FANCM: variants seen among roughly 807,000 people sequenced by gnomAD.
FANCM encodes Fanconi anemia group M protein.
Under a neutral mutation model 199.5 loss-of-function variants are expected in FANCM, and 140 were observed. The ratio of observed to expected loss-of-function variants is 0.70; its 90% confidence interval spans 0.61 to 0.81. The LOEUF (loss-of-function observed/expected upper bound fraction) is 0.81, where lower values mean the gene tolerates loss of function less well. Ranked by LOEUF, FANCM falls within the 30% of genes least tolerant of loss-of-function variation. The pLI is 0.00. For synonymous variants in FANCM, 840 were observed against 836.8 expected (o/e 1.00, Z -0.07); for missense variants, 2,410 against 2,421.4 (o/e 1.00, Z 0.10).
chr14:45,173,310 T>A, intron 13 of FANCM, 100 bp downstream of exon 13: 1 of 1,090,368 alleles, frequency 9.2e-7, no homozygotes, highest in Non-Finnish European at 1.4e-6. Flanking sequence ...ATACTTTGTT[T>A]TTCTGTATAG....
chr14:45,171,477 C>G (rs1020169074), intron 12 of FANCM, among the ~76,000 whole-genome samples: 3 of 152,122 alleles, frequency 2.0e-5, no homozygotes, highest in Admixed American at 6.5e-5. Context: ...TGCCCCACTC[C>G]TACTCTTCCC....
chr14:45,186,587 T>C (rs1889415855), intron 18 of FANCM, among the ~76,000 whole-genome samples: 1 of 152,220 alleles, frequency 6.6e-6, no homozygotes, highest in Non-Finnish European at 1.5e-5. Context: ...TAAAAGGCAA[T>C]GTTCTCAGTA....
At chr14:45,141,449 T>G (rs989720212) in intron 3 of FANCM, among the ~76,000 whole-genome samples, 1 of 151,244 alleles carries the variant, frequency 6.6e-6, no homozygotes, top group African/African-American at 2.4e-5. Context: ...TAGCTTTTTT[T>G]CAGTGGTTGC....
At position 45,185,187 on chromosome 14, in the gene FANCM, T is replaced by C. The variant is rs375423511; in HGVS notation, c.4516-30T>C. The C allele has an allele frequency of 1.6e-5, 23 of 1,432,398 alleles. No individual in the cohort carries two copies. In the African/African-American group the frequency reaches 2.5e-4, roughly 16 times the overall value. The allele number at this position is 1,432,398 out of a possible 1,614,324, so 88.7% of individuals were successfully genotyped here. ...AAAGAAAATTATTTTCTCACTGATA[T>C]CTTCATGTTTTCTAATTTGTCTTAC... On this transcript the variant is annotated intron_variant, in intron 17 of 22. Coordinates refer to ENST00000267430, the MANE Select transcript of FANCM (RefSeq NM_020937.4).
At chr14:45,166,048 G>T (rs961711561) in intron 10 of FANCM, among the ~76,000 whole-genome samples, 3 of 151,792 alleles carry the variant, frequency 2.0e-5, no homozygotes. Flanking sequence ...AAAACAGCAA[G>T]CTAACAAAGA....
At position 45,154,784 on chromosome 14, in the gene FANCM, G is replaced by A. The variant is rs139726733; in HGVS notation, c.1271G>A (p.Arg424His). 19 of 1,606,398 alleles carry A rather than the reference G, an allele frequency of 1.2e-5. No individual in the cohort carries two copies. The highest frequency in any genetic ancestry group is 1.2e-4 in the Admixed American group (7 of 59,770). The change falls in exon 7 of 23, where the codon CGT becomes CAT. Residue 424 changes from arginine to histidine, a missense_variant. Transcript: ENST00000267430. ...NHLECMFART[R>H]STSANGISAI... ...CTAGAGTGTATGTTTGCACGTACAC[G>A]TAGTACTTCAGCAAATGGTATTTCT...
chr14:45,177,452 C>A (rs1445298167), intron 14 of FANCM, among the ~76,000 whole-genome samples: 1 of 152,148 alleles, frequency 6.6e-6, no homozygotes, highest in South Asian at 2.1e-4. Context: ...AGTGCAATGG[C>A]ATGGTCTCGG....
intron 3 of FANCM, among the ~76,000 whole-genome samples, chr14:45,148,513 TG>T (rs2139150148): frequency 6.6e-6 from 1 of 152,322 alleles, no homozygotes; most frequent in African/African-American, 2.4e-5. Context: ...CTGAAATTTT[TG>T]TCTGAGTCTT....
rs377167890 is a variant in FANCM, at chr14:45,176,370, C to G, written c.3616C>G (p.Gln1206Glu). ...TGCTAATAGTTTTAAATCTCGTGATCAGAGAGGTGTACAGGAAGAAAAAGT... is the reference window on the plus strand; with the variant it reads ...TGCTAATAGTTTTAAATCTCGTGATGAGAGAGGTGTACAGGAAGAAAAAGT... ...RDANSFKSRD[Q>E]RGVQEEKVKN... The change falls in exon 14 of 23, where the codon CAG becomes GAG. Residue 1206 changes from glutamine (Q) to glutamate (E), a missense_variant. Gln to Glu is a conservative substitution (Grantham distance 29, BLOSUM62 2). Coordinates refer to ENST00000267430, the MANE Select transcript of FANCM (RefSeq NM_020937.4). 1.2e-5 allele frequency: 20 copies of G among 1,612,886 alleles called. No individual in the cohort carries two copies. In the African/African-American group the frequency reaches 2.5e-4, roughly 20 times the overall value.
At chr14:45,181,607 G>A in intron 15 of FANCM, 30 bp from the exon 16 acceptor site, 2 of 1,574,086 alleles carry the variant, frequency 1.3e-6, no homozygotes, top group Non-Finnish European at 1.7e-6. Context: ...TGAGACTTTT[G>A]TTGCCTTTTA....
intron 11 of FANCM, among the ~76,000 whole-genome samples, chr14:45,169,085 C>T (rs1443944174): frequency 5.9e-5 from 9 of 151,730 alleles, no homozygotes; most frequent in Admixed American, 4.6e-4. Context: ...CCACACCTGG[C>T]TCATTTTTAC....
At chr14:45,150,473 C>A (rs1594768658) in intron 4 of FANCM, among the ~76,000 whole-genome samples, 1 of 152,060 alleles carries the variant, frequency 6.6e-6, no homozygotes, top group Non-Finnish European at 1.5e-5. Flanking sequence ...TTAGAAAATA[C>A]AAATTAGGCA....
At chr14:45,193,091 T>A (rs1889864732) in intron 20 of FANCM, among the ~76,000 whole-genome samples, 1 of 152,212 alleles carries the variant, frequency 6.6e-6, no homozygotes, top group African/African-American at 2.4e-5. Context: ...GTTCCTTCCC[T>A]GTTTCCCCTA....
chr14:45,137,302 G>C (rs542632043), intron 2 of FANCM, 61 bp downstream of exon 2: 2 of 1,382,758 alleles, frequency 1.4e-6, no homozygotes, highest in Admixed American at 3.4e-5. Flanking sequence ...GAATTTTGGC[G>C]AATAGTTACT....
intron 14 of FANCM, among the ~76,000 whole-genome samples, chr14:45,179,334 T>C (rs1888914131): frequency 6.6e-6 from 1 of 152,196 alleles, no homozygotes; most frequent in Non-Finnish European, 1.5e-5. Context: ...CTTCATAATA[T>C]TTTCCTGGCT....
intron 3 of FANCM, among the ~76,000 whole-genome samples, chr14:45,142,831 T>A (rs1886073045): frequency 6.6e-6 from 1 of 152,128 alleles, no homozygotes; most frequent in African/African-American, 2.4e-5. Context: ...GTTGTAATCT[T>A]GACTTAGTTA....
chr14:45,184,168 T>G (rs563940650), intron 17 of FANCM, among the ~76,000 whole-genome samples: 2 of 152,278 alleles, frequency 1.3e-5, no homozygotes, highest in South Asian at 4.1e-4. Flanking sequence ...ATGTTTCAAA[T>G]TGAAGAAAAT....
At chr14:45,157,896 GATA>G (rs1221216336) in intron 8 of FANCM, among the ~76,000 whole-genome samples, 1 of 152,114 alleles carries the variant, frequency 6.6e-6, no homozygotes, top group Non-Finnish European at 1.5e-5. Flanking sequence ...TGATGATTAA[GATA>G]ATAAAAATCA....
chr14:45,170,879 ACTTT>A (rs2139227722), intron 12 of FANCM, 133 bp downstream of exon 12: 2 of 784,222 alleles, frequency 2.6e-6, no homozygotes, highest in Admixed American at 2.0e-5. Flanking sequence ...ATGTCAACTT[ACTTT>A]AAGAAATTAA....
Sources: allele counts gnomAD v4.1 joint callset (sites outside exome capture counted in the v4.1 genomes callset), GRCh38; gene constraint gnomAD v4.1.1; transcripts MANE v1.5; gene names NCBI Gene and HGNC (gene_info 2026-07-23, HGNC 2026-07-21).